The following RNPEP variants were observed in gnomAD, a reference collection of about 807,000 sequenced individuals.
RNPEP encodes the protein arginyl aminopeptidase.
RNPEP carries 57 observed loss-of-function variants against 70.1 expected under a neutral mutation model. That is an observed-to-expected ratio of 0.81 (90% confidence interval 0.66 to 1.01). RNPEP has a LOEUF of 1.01. Among genes scored for constraint, RNPEP ranks in the 50% least tolerant of loss-of-function variants. The probability of loss-of-function intolerance (pLI) is 0.00; values close to 1 mark genes in which losing one functional copy is unlikely to be tolerated. For synonymous variants in RNPEP, 335 were observed against 357.4 expected (o/e 0.94, Z 0.71); for missense variants, 787 against 852.4 (o/e 0.92, Z 0.96).
rs1683907390 is a variant in RNPEP at position 202,003,288 on chromosome 1, C to T, written c.1478C>T (p.Pro493Leu). The T allele has an allele frequency of 1.2e-6, 2 of 1,614,058 alleles. No individual in the cohort carries two copies. Among genetic ancestry groups the T allele is most frequent in the Admixed American group, 1.7e-5 (1 of 59,998 alleles). The change falls in exon 9 of 11, where the codon CCT (proline) becomes CTT (leucine). Residue 493 changes from proline to leucine, a missense_variant. Coordinates refer to ENST00000295640, the MANE Select transcript of RNPEP (RefSeq NM_020216.4). Reference protein sequence around the residue: ...LNTPGWPPYLPDLSPGDSLMK... With the variant: ...LNTPGWPPYLLDLSPGDSLMK... Reference sequence around the variant, plus strand: ...ACCCCCGGCTGGCCCCCGTACCTCCCTGATCTCTCCCCTGGGGACTCACTC... The same window carrying T: ...ACCCCCGGCTGGCCCCCGTACCTCCTTGATCTCTCCCCTGGGGACTCACTC...
chr1:201,987,814 C>G (rs1047813220), intron 1 of RNPEP, among the ~76,000 whole-genome samples: 7 of 151,604 alleles, frequency 4.6e-5, no homozygotes, highest in South Asian at 2.1e-4. Flanking sequence ...TATAAAATAC[C>G]TTTCTTCTGA....
At chr1:201,984,823 T>TTTTTCTTTTTC (rs1388739194) in intron 1 of RNPEP, among the ~76,000 whole-genome samples, 523 of 7,126 alleles carry the variant, frequency 0.073, 59 homozygotes, top group East Asian at 0.1. Flanking sequence ...ATTTCTTTCT[T>TTTTTCTTTTTC]TTTTTTTTTT....
chr1:201,987,081 T>C (rs185704896), intron 1 of RNPEP, among the ~76,000 whole-genome samples: 33 of 152,276 alleles, frequency 2.2e-4, no homozygotes, highest in Non-Finnish European at 4.1e-4. Context: ...AAAATAGGTC[T>C]CAGACACTGC....
chr1:201,986,536 CTT>C (rs374147270), intron 1 of RNPEP, among the ~76,000 whole-genome samples: 5 of 80,596 alleles, frequency 6.2e-5, no homozygotes, highest in Admixed American at 1.2e-4. Context: ...CATTTTCTTT[CTT>C]TTTTTTTTTT....
At position 202,004,399 on chromosome 1, in the gene RNPEP, CCCGGA is replaced by C. The variant is rs755658593; in HGVS notation, c.1698_1702del (p.Arg567CysfsTer13). 2.5e-6 allele frequency: 4 copies of C among 1,613,994 alleles called. No homozygotes were observed. In the African/African-American group the frequency reaches 5.3e-5, roughly 22 times the overall value. On this transcript the variant is annotated frameshift_variant, in exon 10 of 11. Coordinates refer to ENST00000295640, the MANE Select transcript of RNPEP (RefSeq NM_020216.4). LOFTEE classifies it high-confidence loss of function. ...GACACATACCCAAGTATCTCAAATG[CCCGGA>C]ATGCAGAGCTCCGGCTGCGATGGGG...
At chr1:202,002,015 C>G (rs1044716581) in intron 8 of RNPEP, among the ~76,000 whole-genome samples, 1 of 152,104 alleles carries the variant, frequency 6.6e-6, no homozygotes, top group Non-Finnish European at 1.5e-5. Context: ...ACAGTCAGAC[C>G]CTTAACTTGC....
intron 1 of RNPEP, chr1:201,983,742 C>T: frequency 8.9e-6 from 10 of 1,123,218 alleles, no homozygotes; most frequent in Non-Finnish European, 1.1e-5. Context: ...TTGGCCTTCT[C>T]ACTGTTGGTT....
intron 1 of RNPEP, among the ~76,000 whole-genome samples, chr1:201,986,465 G>GT (rs1303335968): frequency 6.6e-6 from 1 of 150,522 alleles, no homozygotes; most frequent in Admixed American, 6.6e-5. Context: ...TTTATCTGAT[G>GT]TTTTCTCATG....
At chr1:201,997,950 A>C (rs988472017) in intron 5 of RNPEP, among the ~76,000 whole-genome samples, 1 of 151,892 alleles carries the variant, frequency 6.6e-6, no homozygotes, top group African/African-American at 2.4e-5. Flanking sequence ...TTTAGAAGAG[A>C]CGAGGTTTCT....
At chr1:201,983,331 C>CCA (rs1683008676) in intron 1 of RNPEP, 1 of 1,466,420 alleles carries the variant, frequency 6.8e-7, no homozygotes. Context: ...CTTCCTCCAG[C>CCA]CACTGGGCGG....
intron 5 of RNPEP, among the ~76,000 whole-genome samples, chr1:201,997,766 G>T (rs1417448806): frequency 6.5e-5 from 9 of 139,172 alleles, no homozygotes; most frequent in South Asian, 2.2e-4. Flanking sequence ...CAGGTCATTA[G>T]TTTTTTTTTT....
rs1683244901 is a variant in RNPEP, at chr1:201,989,470, A to G, written c.676A>G (p.Ile226Val). The G allele has an allele frequency of 4.3e-6, 7 of 1,614,230 alleles. No individual in the cohort carries two copies. The highest frequency in any genetic ancestry group is 5.1e-6 in the Non-Finnish European group (6 of 1,180,046). Residue 226 changes from isoleucine to valine, a missense_variant, in exon 3 of 11, where the codon ATC becomes GTC. Transcript: ENST00000295640. ...GTTCTTCTTCCAGATGTGTCAGCCC[A>G]TCCCCTCCTATCTGATAGCTTTGGC... is the stretch of plus-strand genomic sequence containing the variant. Reference protein sequence around the residue: ...NKFFFQMCQPIPSYLIALAIG... With the variant: ...NKFFFQMCQPVPSYLIALAIG...
intron 8 of RNPEP, 72 bp from the exon 9 acceptor site, chr1:202,003,165 G>C: frequency 1.9e-6 from 2 of 1,067,892 alleles, no homozygotes; most frequent in Non-Finnish European, 2.8e-6. Context: ...TGAGGTCTCT[G>C]GGAGTTGCTT....
Position 202,001,693 on chromosome 1 carries a change from T to C in RNPEP, c.1352T>C (p.Leu451Ser). 6.2e-7 allele frequency: 1 copy of C among 1,613,900 alleles called. No individual in the cohort carries two copies. Among genetic ancestry groups the C allele is most frequent in the Non-Finnish European group, 8.5e-7 (1 of 1,179,744 alleles). The change falls in exon 8 of 11, where the codon TTA becomes TCA. Residue 451 changes from leucine to serine, a missense_variant. Transcript: ENST00000295640. ...CATGAATTCAAATTCCGAAGCATCT[T>C]AGCCGATGACTTTCTGGACTTCTAC... ...YVHEFKFRSI[L>S]ADDFLDFYLE... is the part of the protein sequence containing the mutation.
rs149813335 is a variant in RNPEP, at chr1:201,999,908, C to A, written c.1097C>A (p.Ala366Glu). The change falls in exon 6 of 11, where the codon GCG becomes GAG. Residue 366 changes from alanine (A) to glutamate (E), a missense_variant. Coordinates refer to ENST00000295640, the MANE Select transcript of RNPEP (RefSeq NM_020216.4). ...ACGTTTGATTCTGCACCAGGCGCTG[C>A]GTACACCTGCTTGGAGGCTGCAACG... ...RRISTILFGA[A>E]YTCLEAATGR... is the part of the protein sequence containing the mutation. 2 of 1,613,212 alleles carry A rather than the reference C, an allele frequency of 1.2e-6. No individual in the cohort carries two copies. Among genetic ancestry groups the A allele is most frequent in the Non-Finnish European group, 1.7e-6 (2 of 1,179,538 alleles).
chr1:201,983,140 C>CGCTG, intron 1 of RNPEP, 27 bp downstream of exon 1: 1 of 1,438,322 alleles, frequency 7.0e-7, no homozygotes, highest in Non-Finnish European at 9.0e-7. Context: ...CTGCGCCCGC[C>CGCTG]GCTGCCTGCC....
At chr1:202,005,003 G>A (rs534777855) in intron 10 of RNPEP, among the ~76,000 whole-genome samples, 118 of 152,304 alleles carry the variant, frequency 7.7e-4, no homozygotes, top group Middle Eastern at 3.4e-3. Flanking sequence ...GGGCTGGACC[G>A]GAGACGAAGC....
In RNPEP at chr1:201,996,209, TAGA is replaced by T; in HGVS notation, c.805_807del (p.Glu269del). 2 of 1,614,156 alleles carry T rather than the reference TAGA, an allele frequency of 1.2e-6. No homozygotes were observed. The highest frequency in any genetic ancestry group is 2.2e-5 in the South Asian group (2 of 91,084). On this transcript the variant is annotated inframe_deletion, in exon 4 of 11. Transcript: ENST00000295640. ...GCCAAGGAGGAGTACAACGGGGTGA[TAGA>T]AGAATTTTTGGCAACAGGAGAGAAG...
intron 1 of RNPEP, among the ~76,000 whole-genome samples, chr1:201,985,559 A>C (rs58387116): frequency 0.047 from 7,104 of 152,208 alleles, 535 homozygotes; most frequent in African/African-American, 0.16. Flanking sequence ...GCCTGGCTTA[A>C]TTGAGCAGCC....
Sources: gnomAD v4.1 joint callset for allele counts (sites outside exome capture counted in the v4.1 genomes callset) on GRCh38, gnomAD v4.1.1 for gene constraint, MANE v1.5 for transcripts, NCBI Gene and HGNC (gene_info 2026-07-23, HGNC 2026-07-21) for gene names.